The following RPAP1 variants were observed in gnomAD, a reference collection of about 807,000 sequenced individuals.
RPAP1 encodes RNA polymerase II associated protein 1.
Under a neutral mutation model 142.4 loss-of-function variants are expected in RPAP1, and 109 were observed. That is an observed-to-expected ratio of 0.77 (90% CI 0.66 to 0.90). The LOEUF is 0.90. Among genes scored for constraint, RPAP1 ranks in the 40% least tolerant of loss-of-function variants. The pLI is 0.00. For synonymous variants in RPAP1, 704 were observed against 738.9 expected (o/e 0.95, Z 0.77); for missense variants, 1,546 against 1,751.7 (o/e 0.88, Z 2.10).
intron 5 of RPAP1, 62 bp downstream of exon 5, chr15:41,535,450 A>G (rs2051896522): frequency 1.3e-6 from 2 of 1,529,422 alleles, no homozygotes. Context: ...TATCTTCAAA[A>G]ATGACCCTAT....
chr15:41,531,006 C>T lies in RPAP1; in HGVS notation c.943+17G>A. On this transcript the variant is annotated intron_variant, in intron 7 of 24. Transcript: ENST00000304330. ...CTACTTTTATCCACCAAAATATGAC[C>T]CCCGCCTCCTGCAAACCTGGGGCTT... The T allele has an allele frequency of 6.2e-7, 1 of 1,603,072 alleles. No homozygotes were observed. The highest frequency in any genetic ancestry group is 8.5e-7 in the Non-Finnish European group (1 of 1,170,972).
chr15:41,529,058 A>G (rs2051822583), intron 9 of RPAP1, among the ~76,000 whole-genome samples: 1 of 152,158 alleles, frequency 6.6e-6, no homozygotes, highest in African/African-American at 2.4e-5. Flanking sequence ...TTTTGAGCCT[A>G]AGAAACTGAA....
intron 9 of RPAP1, 145 bp downstream of exon 9, chr15:41,529,325 T>C (rs1049262091): frequency 1.3e-5 from 8 of 617,676 alleles, no homozygotes; most frequent in Non-Finnish European, 2.0e-5. Flanking sequence ...AGAGCGAGAT[T>C]CTGTCTCCAA....
chr15:41,528,399 G>A, intron 9 of RPAP1, 63 bp from the exon 10 acceptor site: 1 of 1,108,378 alleles, frequency 9.0e-7, no homozygotes, highest in South Asian at 1.3e-5. Context: ...AAAACACCAA[G>A]CAAGGTATCA....
At chr15:41,521,177 G>C (rs1566883099) in intron 21 of RPAP1, 30 bp from the exon 22 acceptor site, 1 of 1,508,678 alleles carries the variant, frequency 6.6e-7, no homozygotes, top group South Asian at 1.4e-5. Context: ...CCAAAAATGA[G>C]GGCTGGAACC....
intron 14 of RPAP1, among the ~76,000 whole-genome samples, chr15:41,526,220 A>G (rs1048550677): frequency 6.6e-6 from 1 of 152,158 alleles, no homozygotes; most frequent in Non-Finnish European, 1.5e-5. Flanking sequence ...AAGTGTTGTG[A>G]TTACAGGCGT....
At position 41,527,625 on chromosome 15, in the gene RPAP1, T is replaced by TG; in HGVS notation, c.1429-21dup. 2.5e-6 allele frequency: 4 copies of TG among 1,600,648 alleles called. No individual in the cohort carries two copies. Among genetic ancestry groups the TG allele is most frequent in the Non-Finnish European group, 3.4e-6 (4 of 1,174,136 alleles). ...GAGCTCCTGCCAGAGGAACGGGAGT[T>TG]GGGGGGCAATGCTGAAGGGGCCAGG... On this transcript the variant is annotated intron_variant, in intron 11 of 24. Coordinates refer to ENST00000304330, the MANE Select transcript of RPAP1 (RefSeq NM_015540.4).
At chr15:41,534,680 G>T in intron 6 of RPAP1, 34 bp downstream of exon 6, 1 of 1,528,862 alleles carries the variant, frequency 6.5e-7, no homozygotes, top group Non-Finnish European at 9.0e-7. Context: ...TCCTCTCCTA[G>T]CCTGGTCTCA....
Position 41,527,641 on chromosome 15 carries a change from A to C in RPAP1, c.1429-36T>G, listed in dbSNP as rs1359113169. 5.7e-6 allele frequency: 9 copies of C among 1,581,616 alleles called. No individual in the cohort carries two copies. In the South Asian group the frequency reaches 9.2e-5, roughly 16 times the overall value. ...AACGGGAGTTGGGGGGCAATGCTGA[A>C]GGGGCCAGGAAATGGATCCAGGAGT... On this transcript the variant is annotated intron_variant, in intron 11 of 24. Coordinates refer to ENST00000304330, the MANE Select transcript of RPAP1 (RefSeq NM_015540.4).
intron 6 of RPAP1, 108 bp from the exon 7 acceptor site, chr15:41,531,310 C>A: frequency 8.9e-7 from 1 of 1,125,164 alleles, no homozygotes; most frequent in Non-Finnish European, 1.3e-6. Flanking sequence ...AAGGACAGGA[C>A]AAGCTGCTTC....
intron 22 of RPAP1, chr15:41,520,019 C>T (rs568422387): frequency 7.8e-5 from 20 of 257,632 alleles, no homozygotes; most frequent in African/African-American, 3.1e-4. Context: ...CTGTAGCCTC[C>T]GCTTCCCGGG....
At position 41,517,608 on chromosome 15, in the gene RPAP1, A is replaced by T; in HGVS notation, c.4116T>A (p.Pro1372=). Residue 1372 remains proline (P), a synonymous_variant, in exon 25 of 25, where the codon CCT becomes CCA. Coordinates refer to ENST00000304330, the MANE Select transcript of RPAP1 (RefSeq NM_015540.4). ...EGFELYSQLP[P]LRQHYLQRLT... ...GTCTCTGGAGGTAGTGCTGACGCAG[A>T]GGGGGCAACTGAGAATAGAGCTCAA... 2 of 1,610,470 alleles carry T rather than the reference A, an allele frequency of 1.2e-6. 1 individual carries two copies.
At chr15:41,532,971 T>G (rs768261105) in intron 6 of RPAP1, among the ~76,000 whole-genome samples, 193 of 69,590 alleles carry the variant, frequency 2.8e-3, no homozygotes, top group Middle Eastern at 0.018. Flanking sequence ...AGAGCGAGAC[T>G]CCGTCTCAAA....
intron 22 of RPAP1, chr15:41,518,409 G>A: frequency 2.3e-6 from 1 of 438,814 alleles, no homozygotes. Flanking sequence ...TTGGCCATGT[G>A]TAGTGGGCCA....
rs1435891099 is a variant in RPAP1 at position 41,534,741 on chromosome 15, C to T, written c.736G>A (p.Glu246Lys). 2.5e-6 allele frequency: 4 copies of T among 1,613,890 alleles called. No individual in the cohort carries two copies. The South Asian group carries it at 3.3e-5, about 13-fold the overall frequency. Residue 246 changes from glutamate to lysine, a missense_variant, in exon 6 of 25, where the codon GAA becomes AAA. Glu to Lys is a moderately conservative substitution (Grantham distance 56, BLOSUM62 1). This residue lies in a region of RPAP1 where 1,333 missense variants were observed against 1,486.6 expected (regional missense o/e 0.90). Transcript: ENST00000304330. ...AGCTGGGCCAGCAACCGCTGCTGTT[C>T]CTGCAGGATCTCCTCAGGAGCCATG... ...QAMAPEEILQ[E>K]QQRLLAQLDP...
intron 8 of RPAP1, 76 bp downstream of exon 8, chr15:41,529,788 G>A: frequency 9.0e-7 from 1 of 1,115,130 alleles, no homozygotes; most frequent in Non-Finnish European, 1.3e-6. Flanking sequence ...AAAGGCCTGA[G>A]TTCTGAGGGC....
At chr15:41,536,314 C>T (rs1226034331) in intron 3 of RPAP1, 96 bp from the exon 4 acceptor site, 3 of 1,356,906 alleles carry the variant, frequency 2.2e-6, no homozygotes, top group Non-Finnish European at 3.1e-6. Context: ...ATGAGAACCT[C>T]ACTCTGGGGG....
At position 41,523,754 on chromosome 15, in the gene RPAP1, C is replaced by T. The variant is rs376121881; in HGVS notation, c.2436+17G>A. On this transcript the variant is annotated intron_variant, in intron 17 of 24. Transcript: ENST00000304330. ...AGGGTGCGGGGGCCTGGTGGACAGC[C>T]GGCAGGAGGCACTCACTTGCTGGCT... 9.7e-5 allele frequency: 153 copies of T among 1,575,902 alleles called. No individual in the cohort carries two copies. Among genetic ancestry groups the T allele is most frequent in the Non-Finnish European group, 1.2e-4 (139 of 1,161,940 alleles).
chr15:41,531,125 T>G lies in RPAP1; in HGVS notation c.841A>C (p.Arg281=), dbSNP rs765258661. ...QTGETASEEQ[R]PGGPSANVTK... is the part of the protein sequence containing the mutation. ...ACATTAGCAGAGGGTCCTCCTGGCC[T>G]CTGCTCCTCAGAGGCTGTCTCTCCT... is the stretch of plus-strand genomic sequence containing the variant. The change falls in exon 7 of 25, where the codon AGG becomes CGG. Residue 281 remains arginine (R), a synonymous_variant. Coordinates refer to ENST00000304330, the MANE Select transcript of RPAP1 (RefSeq NM_015540.4). 20 of 1,613,958 alleles carry G rather than the reference T, an allele frequency of 1.2e-5. No homozygotes were observed. Among genetic ancestry groups the G allele is most frequent in the Non-Finnish European group, 1.7e-5 (20 of 1,180,004 alleles).
Sources: allele counts gnomAD v4.1 joint callset (sites outside exome capture counted in the v4.1 genomes callset), GRCh38; gene constraint gnomAD v4.1.1; regional missense constraint gnomAD v4.1.1; transcripts MANE v1.5; gene names NCBI Gene and HGNC (gene_info 2026-07-23, HGNC 2026-07-21).